ZDHHC15: variants seen among roughly 807,000 people sequenced by gnomAD.
ZDHHC15 encodes the protein zDHHC palmitoyltransferase 15, also known as palmitoyltransferase ZDHHC15.
Under a neutral mutation model 31.7 loss-of-function variants are expected in ZDHHC15, and 19 were observed. The observed-to-expected ratio is 0.60, with a 90% CI of 0.42 to 0.88. The LOEUF (loss-of-function observed/expected upper bound fraction) is 0.88. ZDHHC15 is among the 40% of genes least tolerant of loss of function. The pLI is 0.00. For synonymous variants in ZDHHC15, 103 were observed against 90.0 expected, an observed-to-expected ratio of 1.14 and a Z score of -0.82; for missense variants, 209 against 251.2, an observed-to-expected ratio of 0.83 and a Z score of 1.14.
chrX:75,516,600 G>A lies in ZDHHC15; in HGVS notation c.136+6289C>T, dbSNP rs1360631879. On this transcript the variant is annotated intron_variant, in intron 1 of 11. Transcript: ENST00000373367. Reference sequence around the variant, plus strand: ...AAAAATTAATTCAAGATGGATTAAAGACTTAAATGTTAGACCTAAAACCTT... The same window carrying A: ...AAAAATTAATTCAAGATGGATTAAAAACTTAAATGTTAGACCTAAAACCTT... 8.0e-5 allele frequency among the ~76,000 whole-genome samples: 9 copies of A among 112,338 alleles called. No homozygotes were observed. The Admixed American group carries it at 8.5e-4, about 11-fold the overall frequency.
At chrX:75,384,237 G>C in intron 10 of ZDHHC15, 1 of 485,940 alleles carries the variant, frequency 2.1e-6, no homozygotes, top group Non-Finnish European at 3.6e-6. Flanking sequence ...CTCATGTGAA[G>C]AATACACTGG....
chrX:75,476,499 A>G (rs2084607277), intron 3 of ZDHHC15, among the ~76,000 whole-genome samples: 1 of 110,933 alleles, frequency 9.0e-6, no homozygotes, highest in Non-Finnish European at 1.9e-5. Context: ...GGGGCACACA[A>G]TTCTTCATAT....
intron 10 of ZDHHC15, among the ~76,000 whole-genome samples, chrX:75,385,080 A>G (rs1003049500): frequency 8.9e-6 from 1 of 111,973 alleles, no homozygotes; most frequent in Non-Finnish European, 1.9e-5. Flanking sequence ...AGGTCTGGTT[A>G]GGTCTGAAGA....
At chrX:75,451,551 T>C (rs1173831846) in intron 3 of ZDHHC15, among the ~76,000 whole-genome samples, 2 of 112,009 alleles carry the variant, frequency 1.8e-5, no homozygotes, top group Non-Finnish European at 3.8e-5. Context: ...AAAAGTAATA[T>C]GAACCTGAAA....
At chrX:75,428,837 C>T (rs1377560397) in intron 7 of ZDHHC15, among the ~76,000 whole-genome samples, 1 of 111,446 alleles carries the variant, frequency 9.0e-6, no homozygotes. Context: ...GATTAGGTAC[C>T]CAAAGGCCTT....
intron 10 of ZDHHC15, among the ~76,000 whole-genome samples, chrX:75,413,699 A>G (rs1387975853): frequency 9.0e-6 from 1 of 110,857 alleles, no homozygotes; most frequent in Non-Finnish European, 1.9e-5. Flanking sequence ...CAACAAAAAC[A>G]AAACAAAACA....
intron 3 of ZDHHC15, among the ~76,000 whole-genome samples, chrX:75,462,979 C>A (rs190079428): frequency 3.8e-4 from 42 of 110,312 alleles, no homozygotes; most frequent in African/African-American, 1.2e-3. Flanking sequence ...ATCAACAAAT[C>A]CAGGGTTTTT....
intron 3 of ZDHHC15, among the ~76,000 whole-genome samples, chrX:75,457,726 C>T (rs1035395950): frequency 1.4e-4 from 15 of 110,264 alleles, no homozygotes; most frequent in African/African-American, 5.0e-4. Flanking sequence ...TATGGTTCCA[C>T]ATTCATGCAT....
At chrX:75,472,417 A>G (rs1349676775) in intron 3 of ZDHHC15, among the ~76,000 whole-genome samples, 2 of 112,160 alleles carry the variant, frequency 1.8e-5, no homozygotes, top group Non-Finnish European at 3.8e-5. Context: ...CTTTGCATGG[A>G]GGAAGAAATG....
At chrX:75,507,008 C>T (rs749233871) in intron 1 of ZDHHC15, among the ~76,000 whole-genome samples, 6 of 110,951 alleles carry the variant, frequency 5.4e-5, no homozygotes, top group South Asian at 3.8e-4. Context: ...TGAGACGAGA[C>T]GTGTATACAG....
intron 10 of ZDHHC15, among the ~76,000 whole-genome samples, chrX:75,399,970 A>G (rs2147792331): frequency 8.9e-6 from 1 of 111,753 alleles, no homozygotes; most frequent in South Asian, 3.8e-4. Context: ...AAAGAAGTAT[A>G]TTGACTGTAC....
intron 3 of ZDHHC15, among the ~76,000 whole-genome samples, chrX:75,454,933 C>A (rs1205580584): frequency 9.0e-6 from 1 of 111,171 alleles, no homozygotes. Context: ...CTGAAAATGG[C>A]CATACTGCCC....
rs894416806 is a variant in ZDHHC15, at chrX:75,370,800, G to A, written c.*2178C>T. 3.6e-5 allele frequency: 4 copies of A among 111,701 alleles called. No individual in the cohort carries two copies. Among genetic ancestry groups the A allele is most frequent in the African/African-American group, 9.8e-5 (3 of 30,670 alleles). The allele number at this position is 111,701 out of a possible 1,213,427, so 9.2% of individuals were successfully genotyped here. ...GGCCGCCTTGGGCTCCCAAAATGTT[G>A]GGATTACAGGTGTGAGCCACTGCGC... On this transcript the variant is annotated 3_prime_UTR_variant, in exon 12 of 12. Coordinates refer to ENST00000373367, the MANE Select transcript of ZDHHC15 (RefSeq NM_144969.3).
intron 10 of ZDHHC15, among the ~76,000 whole-genome samples, chrX:75,403,533 G>A (rs1460811979): frequency 8.9e-6 from 1 of 111,993 alleles, no homozygotes; most frequent in Non-Finnish European, 1.9e-5. Flanking sequence ...TAGCAAAGTT[G>A]CAGGACACAA....
intron 4 of ZDHHC15, among the ~76,000 whole-genome samples, chrX:75,438,103 G>A (rs1293322002): frequency 5.4e-5 from 6 of 111,790 alleles, no homozygotes; most frequent in African/African-American, 1.3e-4. Context: ...CTGTTAGAAT[G>A]GCAATCATTA....
rs757756172 is a variant in ZDHHC15, at chrX:75,398,415, C to T, written c.967+18672G>A. Reference sequence around the variant, plus strand: ...CCCAACCAGGGCCTCCGGCCACCCCCACCCAATCTCTCCAACTGACAGAGA... The same window carrying T: ...CCCAACCAGGGCCTCCGGCCACCCCTACCCAATCTCTCCAACTGACAGAGA... On this transcript the variant is annotated intron_variant, in intron 10 of 11. Coordinates refer to ENST00000373367, the MANE Select transcript of ZDHHC15 (RefSeq NM_144969.3). Among the ~76,000 whole-genome samples the T allele has an allele frequency of 4.4e-5, 5 of 112,765 alleles. No individual in the cohort carries two copies. In the East Asian group the frequency reaches 8.5e-4, roughly 19 times the overall value.
chrX:75,499,376 C>A (rs908080121), intron 2 of ZDHHC15, among the ~76,000 whole-genome samples: 1 of 111,695 alleles, frequency 9.0e-6, no homozygotes, highest in Non-Finnish European at 1.9e-5. Context: ...TTAAACTATG[C>A]ATCTGATAAG....
intron 2 of ZDHHC15, among the ~76,000 whole-genome samples, chrX:75,498,576 C>G (rs960608157): frequency 2.7e-5 from 3 of 111,588 alleles, no homozygotes; most frequent in African/African-American, 9.8e-5. Context: ...ATATACCTAA[C>G]CAAGGAGGTG....
At chrX:75,449,800 T>C (rs1372767983) in intron 4 of ZDHHC15, among the ~76,000 whole-genome samples, 1 of 112,127 alleles carries the variant, frequency 8.9e-6, no homozygotes, top group Non-Finnish European at 1.9e-5. Flanking sequence ...TAGGATGACA[T>C]ATCAGAAGAA....
Sources: allele counts gnomAD v4.1 joint callset (sites outside exome capture counted in the v4.1 genomes callset), GRCh38; gene constraint gnomAD v4.1.1; transcripts MANE v1.5; gene names NCBI Gene and HGNC (gene_info 2026-07-23, HGNC 2026-07-21).